PKP4: variants seen among roughly 807,000 people sequenced by gnomAD.
PKP4 encodes the protein plakophilin-4.
In PKP4, 90 loss-of-function variants were observed where a neutral mutation model predicts 145.1. The ratio of observed to expected loss-of-function variants is 0.62; its 90% CI spans 0.52 to 0.74. PKP4 has a LOEUF of 0.74. Ranked by LOEUF, PKP4 falls within the 30% of genes least tolerant of loss-of-function variation. The pLI is 0.00. For missense variants in PKP4, 1,340 were observed against 1,482.7 expected (o/e 0.90, Z 1.58); for synonymous variants, 563 against 577.2 (o/e 0.98, Z 0.35).
intron 2 of PKP4, among the ~76,000 whole-genome samples, chr2:158,575,972 A>G (rs1326031789): frequency 6.6e-6 from 1 of 152,172 alleles, no homozygotes; most frequent in Non-Finnish European, 1.5e-5. Flanking sequence ...AGAGGCAGGC[A>G]TTGTCCCACT....
intron 4 of PKP4, among the ~76,000 whole-genome samples, chr2:158,608,823 T>C (rs1206637521): frequency 7.1e-6 from 1 of 140,082 alleles, no homozygotes; most frequent in Non-Finnish European, 1.6e-5. Context: ...TTTTTTTTTT[T>C]TTTTTTTTGA....
chr2:158,516,042 C>CTTT (rs10719242), intron 1 of PKP4, among the ~76,000 whole-genome samples: 3 of 141,154 alleles, frequency 2.1e-5, no homozygotes, highest in African/African-American at 5.3e-5. Context: ...GAGAATCCAT[C>CTTT]TTTTTTTTTT....
At chr2:158,666,159 C>T in intron 15 of PKP4, 1 of 279,736 alleles carries the variant, frequency 3.6e-6, no homozygotes, top group South Asian at 8.4e-5. Flanking sequence ...CTTCTCTTTT[C>T]TGCACAAAAA....
At chr2:158,550,172 T>C (rs2045492410) in intron 2 of PKP4, among the ~76,000 whole-genome samples, 1 of 101,288 alleles carries the variant, frequency 9.9e-6, no homozygotes, top group Non-Finnish European at 2.8e-5. Context: ...TGTGGAAAAA[T>C]GTTGCTTCAA....
chr2:158,670,953 A>G (rs2057504948), intron 17 of PKP4, among the ~76,000 whole-genome samples: 1 of 152,210 alleles, frequency 6.6e-6, no homozygotes, highest in African/African-American at 2.4e-5. Flanking sequence ...ATCTCAGAAC[A>G]GCAGGACAGC....
intron 1 of PKP4, among the ~76,000 whole-genome samples, chr2:158,462,992 G>A (rs1255974117): frequency 2.0e-5 from 3 of 152,312 alleles, no homozygotes; most frequent in Admixed American, 2.0e-4. Context: ...AAATGCCAGG[G>A]AAATTATTGG....
intron 4 of PKP4, among the ~76,000 whole-genome samples, chr2:158,605,635 C>T (rs575693437): frequency 6.6e-6 from 1 of 152,100 alleles, no homozygotes; most frequent in South Asian, 2.1e-4. Context: ...ATTATAATAG[C>T]TTTATTGAGA....
chr2:158,570,875 T>G (rs1406538979), intron 2 of PKP4, among the ~76,000 whole-genome samples: 1 of 152,094 alleles, frequency 6.6e-6, no homozygotes, highest in East Asian at 1.9e-4. Flanking sequence ...AAACAGAGAC[T>G]GAGGAGTCCT....
intron 2 of PKP4, among the ~76,000 whole-genome samples, chr2:158,550,173 G>A (rs2045492655): frequency 9.9e-6 from 1 of 101,140 alleles, no homozygotes; most frequent in Non-Finnish European, 2.8e-5. Flanking sequence ...GTGGAAAAAT[G>A]TTGCTTCAAA....
chr2:158,514,681 C>T (rs2041796950), intron 1 of PKP4, among the ~76,000 whole-genome samples: 1 of 152,208 alleles, frequency 6.6e-6, no homozygotes, highest in Non-Finnish European at 1.5e-5. Context: ...TGGCTCACGC[C>T]TGTAATCCCA....
At chr2:158,513,188 A>G (rs542180361) in intron 1 of PKP4, among the ~76,000 whole-genome samples, 1 of 152,322 alleles carries the variant, frequency 6.6e-6, no homozygotes, top group East Asian at 1.9e-4. Context: ...CCTTGATGAT[A>G]GGTTAGAGCT....
chr2:158,536,623 C>CTATG (rs1386556191), intron 2 of PKP4, among the ~76,000 whole-genome samples: 3 of 152,162 alleles, frequency 2.0e-5, no homozygotes, highest in African/African-American at 4.8e-5. Context: ...CTTCACTGGG[C>CTATG]TATGCTTTCC....
intron 1 of PKP4, among the ~76,000 whole-genome samples, chr2:158,511,663 G>A (rs2041531633): frequency 6.6e-6 from 1 of 152,158 alleles, no homozygotes; most frequent in South Asian, 2.1e-4. Flanking sequence ...ATTTATCAGA[G>A]AGAGAAAGGG....
intron 4 of PKP4, among the ~76,000 whole-genome samples, chr2:158,606,215 A>G (rs958731801): frequency 6.6e-6 from 1 of 152,106 alleles, no homozygotes; most frequent in African/African-American, 2.4e-5. Context: ...ACCATTTAAC[A>G]TTTCCACTAG....
At chr2:158,521,233 CCAAAATTTGATACTGTTTTGCCATT>C (rs1437362105) in intron 1 of PKP4, among the ~76,000 whole-genome samples, 1 of 152,158 alleles carries the variant, frequency 6.6e-6, no homozygotes, top group Non-Finnish European at 1.5e-5. Context: ...CAGGTCCTCA[CCAAAATTTGATACTGTTTTGCCATT>C]CTGGTGCTTG....
intron 1 of PKP4, among the ~76,000 whole-genome samples, chr2:158,463,693 A>G (rs149474410): frequency 4.3e-3 from 659 of 152,212 alleles, no homozygotes; most frequent in Non-Finnish European, 7.2e-3. Context: ...ACATTTCGCA[A>G]CTCTTAGAAC....
chr2:158,481,374 A>G lies in PKP4; in HGVS notation c.-6+24156A>G, dbSNP rs993311578. Among the ~76,000 whole-genome samples the G allele has an allele frequency of 3.9e-5, 6 of 152,192 alleles. No homozygotes were observed. In the East Asian group the frequency reaches 1.2e-3, roughly 29 times the overall value. On this transcript the variant is annotated intron_variant, in intron 1 of 21. Coordinates refer to ENST00000389759, the MANE Select transcript of PKP4 (RefSeq NM_003628.6). ...AACATTTGTGTACATTTTTGTGTGAACATATGTTTTTAGTTCTTCTAGGTA... is the reference window on the plus strand; with the variant it reads ...AACATTTGTGTACATTTTTGTGTGAGCATATGTTTTTAGTTCTTCTAGGTA...
At chr2:158,633,357 A>G (rs1447964965) in intron 8 of PKP4, among the ~76,000 whole-genome samples, 1 of 152,252 alleles carries the variant, frequency 6.6e-6, no homozygotes, top group Non-Finnish European at 1.5e-5. Flanking sequence ...AAACACAAGC[A>G]CTGCAGTACT....
chr2:158,530,835 T>G (rs1204148943), intron 1 of PKP4, among the ~76,000 whole-genome samples: 1 of 152,162 alleles, frequency 6.6e-6, no homozygotes, highest in African/African-American at 2.4e-5. Context: ...CTTTGAGGAA[T>G]CAGAATAGAT....
Sources: allele counts gnomAD v4.1 joint callset (sites outside exome capture counted in the v4.1 genomes callset), GRCh38; gene constraint gnomAD v4.1.1; transcripts MANE v1.5; gene names NCBI Gene and HGNC (gene_info 2026-07-23, HGNC 2026-07-21).